The following KCND2 variants were observed in gnomAD, a reference collection of about 807,000 sequenced individuals.
The protein encoded by KCND2 is A-type voltage-gated potassium channel KCND2.
In KCND2, 16 loss-of-function variants were observed where a neutral mutation model predicts 54.4. The observed-to-expected ratio is 0.29, with a 90% CI of 0.20 to 0.45. The LOEUF is 0.45. KCND2 is among the 20% of genes least tolerant of loss of function. The pLI, the probability that KCND2 is intolerant of heterozygous loss-of-function variation, is 1.00. For synonymous variants in KCND2, 317 were observed against 310.7 expected (o/e 1.02, Z -0.21); for missense variants, 486 against 824.2 (o/e 0.59, Z 5.02).
chr7:120,667,454 A>G (rs948201589), intron 1 of KCND2, among the ~76,000 whole-genome samples: 8 of 151,996 alleles, frequency 5.3e-5, no homozygotes, highest in Non-Finnish European at 1.2e-4. Context: ...ACAGTAATAA[A>G]AGAAAGAAGA....
intron 1 of KCND2, among the ~76,000 whole-genome samples, chr7:120,309,474 TACACACACACACACACACACACACAC>T (rs1209573900): frequency 3.2e-4 from 36 of 113,254 alleles, no homozygotes; most frequent in East Asian, 9.1e-4. Context: ...TATATATATA[TACACACACACACACACACACACACAC>T]ACATATGTAT....
intron 1 of KCND2, among the ~76,000 whole-genome samples, chr7:120,409,016 C>T (rs1221124205): frequency 6.6e-6 from 1 of 151,908 alleles, no homozygotes; most frequent in South Asian, 2.1e-4. Context: ...TGGAAGGTCA[C>T]GCTAAGAGCA....
chr7:120,713,710 G>T (rs1792569031), intron 1 of KCND2, among the ~76,000 whole-genome samples: 1 of 152,116 alleles, frequency 6.6e-6, no homozygotes, highest in Non-Finnish European at 1.5e-5. Flanking sequence ...CAATTTAGTT[G>T]TATCAGATTT....
chr7:120,426,079 G>C (rs938679857), intron 1 of KCND2, among the ~76,000 whole-genome samples: 2 of 151,748 alleles, frequency 1.3e-5, no homozygotes, highest in Admixed American at 1.3e-4. Flanking sequence ...TTTTAAAAAT[G>C]AATAAGAAAA....
chr7:120,719,523 TA>T (rs1792641938), intron 1 of KCND2, among the ~76,000 whole-genome samples: 1 of 152,192 alleles, frequency 6.6e-6, no homozygotes, highest in Non-Finnish European at 1.5e-5. Context: ...GTTTTTAATT[TA>T]AAGCACACAT....
chr7:120,614,810 T>C (rs1431343664), intron 1 of KCND2, among the ~76,000 whole-genome samples: 1 of 152,254 alleles, frequency 6.6e-6, no homozygotes, highest in Non-Finnish European at 1.5e-5. Flanking sequence ...ATTTGCATAA[T>C]TTTTAAGATA....
chr7:120,350,329 G>C (rs1800383767), intron 1 of KCND2, among the ~76,000 whole-genome samples: 1 of 151,966 alleles, frequency 6.6e-6, no homozygotes, highest in South Asian at 2.1e-4. Flanking sequence ...GAAAAGTTAA[G>C]GTTTTCATAA....
intron 1 of KCND2, among the ~76,000 whole-genome samples, chr7:120,513,975 A>G (rs938969791): frequency 2.0e-5 from 3 of 152,112 alleles, no homozygotes; most frequent in Non-Finnish European, 1.5e-5. Flanking sequence ...ATTTAAACCC[A>G]CTAATGAGCA....
At chr7:120,599,732 A>C (rs1041969443) in intron 1 of KCND2, among the ~76,000 whole-genome samples, 3 of 151,976 alleles carry the variant, frequency 2.0e-5, no homozygotes, top group Admixed American at 2.0e-4. Context: ...CTATGTAGAA[A>C]ATCATAAATC....
intron 3 of KCND2, 137 bp from the exon 4 acceptor site, chr7:120,742,373 C>T (rs894362573): frequency 2.7e-6 from 2 of 751,132 alleles, no homozygotes; most frequent in Non-Finnish European, 4.8e-6. Context: ...AGGAACTGCA[C>T]ATTTGTTCCT....
chr7:120,620,983 G>A (rs1468430515), intron 1 of KCND2, among the ~76,000 whole-genome samples: 1 of 151,986 alleles, frequency 6.6e-6, no homozygotes, highest in Non-Finnish European at 1.5e-5. Context: ...CCTTAAAGAA[G>A]AACCATATGG....
At chr7:120,598,127 A>AGAACAATTAATTGTTCCACT (rs1372776947) in intron 1 of KCND2, among the ~76,000 whole-genome samples, 11 of 152,144 alleles carry the variant, frequency 7.2e-5, no homozygotes, top group Non-Finnish European at 1.6e-4. Context: ...TTAAGAACTA[A>AGAACAATTAATTGTTCCACT]GAACAATTAA....
chr7:120,341,191 T>C lies in KCND2; in HGVS notation c.1115+65444T>C, dbSNP rs146646663. On this transcript the variant is annotated intron_variant, in intron 1 of 5. Transcript: ENST00000331113. ...TGGAAAAAGAAGCAAAGTCATGAAC[T>C]GAGAGCATTAGGGTGGAGGTGTTCA... 3.1e-3 allele frequency among the ~76,000 whole-genome samples: 474 copies of C among 152,236 alleles called. 2 individuals carry two copies. Among genetic ancestry groups the C allele is most frequent in the African/African-American group, 0.011 (447 of 41,568 alleles).
chr7:120,691,255 G>A (rs181598972), intron 1 of KCND2, among the ~76,000 whole-genome samples: 2 of 152,210 alleles, frequency 1.3e-5, no homozygotes, highest in Admixed American at 6.5e-5. Flanking sequence ...AACATCTGCT[G>A]TAACAGGATC....
chr7:120,719,619 T>G (rs1257254335), intron 1 of KCND2, among the ~76,000 whole-genome samples: 2 of 152,156 alleles, frequency 1.3e-5, no homozygotes, highest in African/African-American at 4.8e-5. Context: ...TTTATTTAAA[T>G]TTATAACTAA....
chr7:120,463,944 TCGAC>T (rs1428205055), intron 1 of KCND2: 111 of 420,060 alleles, frequency 2.6e-4, no homozygotes, highest in Non-Finnish European at 3.2e-4. Flanking sequence ...GATAGATAGA[TCGAC>T]AGATGGATAG....
intron 1 of KCND2, among the ~76,000 whole-genome samples, chr7:120,447,822 T>G (rs937385136): frequency 6.6e-6 from 1 of 151,774 alleles, no homozygotes. Context: ...TTTTTAAGAC[T>G]GATTTTTTTT....
chr7:120,333,836 T>C (rs1014500242), intron 1 of KCND2, among the ~76,000 whole-genome samples: 3 of 152,156 alleles, frequency 2.0e-5, no homozygotes, highest in Admixed American at 6.5e-5. Flanking sequence ...GGCATGGGTT[T>C]GTAGATAATC....
At chr7:120,486,727 A>G (rs935914125) in intron 1 of KCND2, among the ~76,000 whole-genome samples, 2 of 151,544 alleles carry the variant, frequency 1.3e-5, no homozygotes, top group Non-Finnish European at 2.9e-5. Flanking sequence ...ACTGGACTTA[A>G]TCTGAGTCAG....
Sources: gnomAD v4.1 joint callset for allele counts (sites outside exome capture counted in the v4.1 genomes callset) on GRCh38, gnomAD v4.1.1 for gene constraint, MANE v1.5 for transcripts, NCBI Gene and HGNC (gene_info 2026-07-23, HGNC 2026-07-21) for gene names.